Variants in UFL1 observed in about 807,000 individuals in gnomAD.
UFL1 encodes UFM1 specific ligase 1, also known as E3 UFM1-protein ligase 1.
Under a neutral mutation model 99.3 loss-of-function variants are expected in UFL1, and 78 were observed. That is an observed-to-expected ratio of 0.79 (90% CI 0.65 to 0.95). The LOEUF is 0.95. Among genes scored for constraint, UFL1 ranks in the 40% least tolerant of loss-of-function variants. The probability of loss-of-function intolerance (pLI) is 0.00; values close to 1 mark genes in which losing one functional copy is unlikely to be tolerated. For synonymous variants in UFL1, 335 were observed against 322.2 expected (o/e 1.04, Z -0.42); for missense variants, 936 against 937.0 (o/e 1.00, Z 0.01).
rs377370394 is a variant in UFL1 at position 96,534,275 on chromosome 6, G to T, written c.609G>T (p.Val203=). The part of the protein sequence containing the change: ...LFSAITRPTA[V]NSLISKYGFQ... ...ACTTTCCATAAAGGCCTACAGCTGT[G>T]AATTCTTTGATTTCAAAATATGGAT... The change falls in exon 7 of 19, where the codon GTG becomes GTT. Residue 203 remains valine, a synonymous_variant. Coordinates refer to ENST00000369278, the MANE Select transcript of UFL1 (RefSeq NM_015323.5). 1.1e-5 allele frequency: 17 copies of T among 1,571,094 alleles called. No homozygotes were observed. The highest frequency in any genetic ancestry group is 2.3e-5 in the East Asian group (1 of 43,456).
At chr6:96,527,097 G>C (rs1435450262) in intron 5 of UFL1, among the ~76,000 whole-genome samples, 1 of 152,114 alleles carries the variant, frequency 6.6e-6, no homozygotes, top group African/African-American at 2.4e-5. Context: ...AATGCTGCCT[G>C]AAAACATAGG....
intron 9 of UFL1, 151 bp downstream of exon 9, chr6:96,537,700 T>TA: frequency 1.4e-6 from 1 of 739,390 alleles, no homozygotes; most frequent in Admixed American, 3.6e-5. Flanking sequence ...TCTTTATGCT[T>TA]AAAGTCTTTC....
At chr6:96,524,511 G>C in intron 3 of UFL1, 101 bp downstream of exon 3, 2 of 898,556 alleles carry the variant, frequency 2.2e-6, no homozygotes, top group Non-Finnish European at 3.2e-6. Context: ...ATTTTGTGTA[G>C]TGTTTATAAA....
chr6:96,538,907 C>T (rs1769892384), intron 10 of UFL1, 97 bp downstream of exon 10: 1 of 1,055,388 alleles, frequency 9.5e-7, no homozygotes, highest in Admixed American at 2.8e-5. Context: ...AAAGTGAACA[C>T]TTTGTATCAT....
At chr6:96,527,622 A>G (rs1769722240) in intron 5 of UFL1, among the ~76,000 whole-genome samples, 1 of 152,150 alleles carries the variant, frequency 6.6e-6, no homozygotes, top group Non-Finnish European at 1.5e-5. Context: ...TATATTTTAC[A>G]TGGGCAAACA....
chr6:96,528,785 G>GA (rs1177175292), intron 6 of UFL1, among the ~76,000 whole-genome samples, 153 bp downstream of exon 6: 1 of 152,142 alleles, frequency 6.6e-6, no homozygotes, highest in African/African-American at 2.4e-5. Context: ...TTGTAAAATA[G>GA]AAATTGAGAT....
At chr6:96,530,183 A>G (rs973286175) in intron 6 of UFL1, among the ~76,000 whole-genome samples, 20 of 152,188 alleles carry the variant, frequency 1.3e-4, no homozygotes, top group African/African-American at 4.8e-4. Flanking sequence ...TACTTACTTG[A>G]TTTTTCCTTG....
chr6:96,525,268 C>G (rs758096446), intron 3 of UFL1, 29 bp from the exon 4 acceptor site: 28 of 1,441,430 alleles, frequency 1.9e-5, no homozygotes, highest in Admixed American at 5.5e-5. Flanking sequence ...ACAAACTAAT[C>G]ATTAATAGAT....
chr6:96,537,554 GT>G lies in UFL1; in HGVS notation c.978+9del. ...GGAACATGGGTTGATATTGCAGTATGTTTTATCTTTTCCTCACTTTTCTTTA... is the reference window on the plus strand; with the variant it reads ...GGAACATGGGTTGATATTGCAGTATGTTTATCTTTTCCTCACTTTTCTTTA... On this transcript the variant is annotated splice_donor_region_variant and intron_variant, in intron 9 of 18. Coordinates refer to ENST00000369278, the MANE Select transcript of UFL1 (RefSeq NM_015323.5). The G allele has an allele frequency of 6.4e-7, 1 of 1,564,738 alleles. No individual in the cohort carries two copies. Among genetic ancestry groups the G allele is most frequent in the Non-Finnish European group, 8.6e-7 (1 of 1,162,178 alleles).
At chr6:96,547,078 T>G (rs981888382) in intron 12 of UFL1, among the ~76,000 whole-genome samples, 3 of 151,614 alleles carry the variant, frequency 2.0e-5, no homozygotes, top group African/African-American at 7.3e-5. Context: ...AGAAAATATA[T>G]GCGAATTATG....
rs985510131 is a variant in UFL1, at chr6:96,554,538, G to GCAA, written c.*1040_*1042dup. On this transcript the variant is annotated 3_prime_UTR_variant, in exon 19 of 19. Transcript: ENST00000369278. ...ATCATTTCAACCAAATGAATTTCAAGCAACAACTTACTTACTATTTATCAA... is the reference window on the plus strand; with the variant it reads ...ATCATTTCAACCAAATGAATTTCAAGCAACAACAACTTACTTACTATTTATCAA... 2 of 151,556 alleles carry GCAA rather than the reference G, an allele frequency of 1.3e-5. No individual in the cohort carries two copies. Among genetic ancestry groups the GCAA allele is most frequent in the African/African-American group, 4.8e-5 (2 of 41,284 alleles). The allele number at this position is 151,556 out of a possible 1,614,324, so 9.4% of individuals were successfully genotyped here.
At chr6:96,549,160 G>A (rs1169200865) in intron 13 of UFL1, among the ~76,000 whole-genome samples, 2 of 151,184 alleles carry the variant, frequency 1.3e-5, no homozygotes, top group African/African-American at 4.9e-5. Flanking sequence ...GAATTATGGG[G>A]GTTTTGTTAT....
intron 7 of UFL1, 71 bp downstream of exon 7, chr6:96,534,392 T>A: frequency 8.4e-7 from 1 of 1,189,634 alleles, no homozygotes; most frequent in South Asian, 1.6e-5. Flanking sequence ...CTTACTAACT[T>A]TAATGTTTTT....
chr6:96,551,520 A>T lies in UFL1; in HGVS notation c.1899+7A>T, dbSNP rs777642446. ...TAACTCTCTGAATGAAAAGGTAAGTAAAGTTTTATTCTATTTACATGTCAG... is the reference window on the plus strand; with the variant it reads ...TAACTCTCTGAATGAAAAGGTAAGTTAAGTTTTATTCTATTTACATGTCAG... On this transcript the variant is annotated splice_region_variant and intron_variant, in intron 16 of 18. Transcript: ENST00000369278. 3 of 1,501,038 alleles carry T rather than the reference A, an allele frequency of 2.0e-6. No homozygotes were observed. Among genetic ancestry groups the T allele is most frequent in the Non-Finnish European group, 2.7e-6 (3 of 1,113,426 alleles). The allele number at this position is 1,501,038 out of a possible 1,614,324, so 93.0% of individuals were successfully genotyped here.
At chr6:96,522,009 G>A in intron 1 of UFL1, 59 bp downstream of exon 1, 2 of 1,555,874 alleles carry the variant, frequency 1.3e-6, no homozygotes, top group Non-Finnish European at 1.7e-6. Context: ...GGACACGCCT[G>A]TATCTGGGAC....
At chr6:96,537,989 G>A (rs1769876789) in intron 9 of UFL1, among the ~76,000 whole-genome samples, 2 of 151,810 alleles carry the variant, frequency 1.3e-5, no homozygotes, top group Admixed American at 1.3e-4. Flanking sequence ...ATGCCAAAAA[G>A]ATAAGTGTAG....
intron 18 of UFL1, 26 bp from the exon 19 acceptor site, chr6:96,553,255 GTTGA>G (rs1467160447): frequency 1.3e-6 from 2 of 1,587,602 alleles, no homozygotes; most frequent in Non-Finnish European, 8.6e-7. Flanking sequence ...GATAAATTGT[GTTGA>G]TTAACTTTTC....
At chr6:96,522,275 A>G (rs1769626499) in intron 1 of UFL1, among the ~76,000 whole-genome samples, 1 of 151,910 alleles carries the variant, frequency 6.6e-6, no homozygotes, top group African/African-American at 2.4e-5. Context: ...ACCAACCACC[A>G]AATCACTGTG....
In UFL1 at chr6:96,523,097, G is replaced by A. The variant is rs555408831; in HGVS notation, c.78-49G>A. ...ATACATTGTATTAATTTTATTGAGC[G>A]CCAATGTCTCAAGTGGACTTTTGAA... On this transcript the variant is annotated intron_variant, in intron 1 of 18. Transcript: ENST00000369278. The A allele has an allele frequency of 6.6e-5, 101 of 1,531,106 alleles. No individual in the cohort carries two copies. In the South Asian group the frequency reaches 7.5e-4, roughly 11 times the overall value. 94.8% of individuals were successfully genotyped at this position (1,531,106 alleles called of 1,614,324 possible).
Sources: allele counts gnomAD v4.1 joint callset (sites outside exome capture counted in the v4.1 genomes callset), GRCh38; gene constraint gnomAD v4.1.1; transcripts MANE v1.5; gene names NCBI Gene and HGNC (gene_info 2026-07-23, HGNC 2026-07-21).